PTPRO: variants seen among roughly 807,000 people sequenced by gnomAD.
PTPRO encodes receptor-type tyrosine-protein phosphatase O.
PTPRO carries 62 observed loss-of-function variants against 145.2 expected under a neutral mutation model. The ratio of observed to expected loss-of-function variants is 0.43; its 90% CI spans 0.35 to 0.53. The LOEUF is 0.53. PTPRO is among the 20% of genes least tolerant of loss of function. The pLI, the probability that PTPRO is intolerant of heterozygous loss-of-function variation, is 0.01. For synonymous variants in PTPRO, 565 were observed against 514.7 expected (o/e 1.10, Z -1.32); for missense variants, 1,345 against 1,482.7 (o/e 0.91, Z 1.53).
At chr12:15,329,210 T>C (rs1866538682) in intron 1 of PTPRO, among the ~76,000 whole-genome samples, 1 of 152,236 alleles carries the variant, frequency 6.6e-6, no homozygotes, top group Admixed American at 6.5e-5. Flanking sequence ...CTCTCTACCT[T>C]TAACCCGTAT....
chr12:15,344,859 C>T (rs1395325373), intron 1 of PTPRO, among the ~76,000 whole-genome samples: 2 of 152,218 alleles, frequency 1.3e-5, no homozygotes, highest in African/African-American at 4.8e-5. Flanking sequence ...AACTCCACAG[C>T]TCATGCCTTA....
At chr12:15,561,744 T>C (rs555445809) in intron 17 of PTPRO, among the ~76,000 whole-genome samples, 1 of 152,242 alleles carries the variant, frequency 6.6e-6, no homozygotes, top group East Asian at 1.9e-4. Flanking sequence ...GTGCCTACCA[T>C]TAAAATACTA....
intron 1 of PTPRO, among the ~76,000 whole-genome samples, chr12:15,341,979 T>C (rs908533180): frequency 4.6e-5 from 7 of 152,216 alleles, no homozygotes; most frequent in African/African-American, 1.7e-4. Flanking sequence ...TAAAGCACAA[T>C]TTAAATACAT....
intron 1 of PTPRO, among the ~76,000 whole-genome samples, chr12:15,451,232 AT>A (rs1434482395): frequency 6.6e-6 from 1 of 152,182 alleles, no homozygotes; most frequent in Non-Finnish European, 1.5e-5. Flanking sequence ...GTTAAAAAAA[AT>A]AAAGAGAAAC....
At chr12:15,335,928 T>C (rs1449779530) in intron 1 of PTPRO, among the ~76,000 whole-genome samples, 1 of 152,204 alleles carries the variant, frequency 6.6e-6, no homozygotes, top group Non-Finnish European at 1.5e-5. Context: ...TTGAAATTCT[T>C]GCTGCTACAC....
At chr12:15,462,781 T>G (rs771757181) in intron 1 of PTPRO, among the ~76,000 whole-genome samples, 20 of 152,208 alleles carry the variant, frequency 1.3e-4, no homozygotes, top group Non-Finnish European at 1.6e-4. Context: ...ATGCTAGCTA[T>G]TACAATTGTT....
intron 1 of PTPRO, among the ~76,000 whole-genome samples, chr12:15,471,713 A>T (rs1941546501): frequency 6.6e-6 from 1 of 152,170 alleles, no homozygotes; most frequent in Admixed American, 6.5e-5. Flanking sequence ...AATAGAGGGT[A>T]TCCCCAGTGT....
At chr12:15,439,884 A>C in intron 1 of PTPRO, 1 of 651,584 alleles carries the variant, frequency 1.5e-6, no homozygotes, top group Non-Finnish European at 2.8e-6. Context: ...GTCGGCCAGC[A>C]CACCAAGTTC....
intron 1 of PTPRO, among the ~76,000 whole-genome samples, chr12:15,354,927 C>T (rs143115540): frequency 8.5e-5 from 13 of 152,220 alleles, no homozygotes; most frequent in Non-Finnish European, 1.6e-4. Context: ...CCCTAAAGAC[C>T]CAAATCCTCT....
At chr12:15,403,231 G>T (rs931515481) in intron 1 of PTPRO, among the ~76,000 whole-genome samples, 4 of 152,018 alleles carry the variant, frequency 2.6e-5, no homozygotes, top group Non-Finnish European at 5.9e-5. Context: ...CGGCATTTCT[G>T]GCAGTTCTTT....
chr12:15,383,228 T>C (rs1938919320), intron 1 of PTPRO, among the ~76,000 whole-genome samples: 1 of 152,222 alleles, frequency 6.6e-6, no homozygotes, highest in Non-Finnish European at 1.5e-5. Flanking sequence ...TAATTGTTTA[T>C]CTGTACCTGG....
At chr12:15,445,408 C>T (rs928877502) in intron 1 of PTPRO, among the ~76,000 whole-genome samples, 1 of 152,048 alleles carries the variant, frequency 6.6e-6, no homozygotes, top group African/African-American at 2.4e-5. Flanking sequence ...GCTGGATAGG[C>T]ACCTCTGTAA....
At chr12:15,557,868 A>G (rs925100646) in intron 16 of PTPRO, among the ~76,000 whole-genome samples, 8 of 152,156 alleles carry the variant, frequency 5.3e-5, no homozygotes, top group African/African-American at 9.7e-5. Flanking sequence ...AGAGATTCCA[A>G]TGAAGCAGCT....
chr12:15,412,744 T>G (rs1939833386), intron 1 of PTPRO, among the ~76,000 whole-genome samples: 1 of 152,264 alleles, frequency 6.6e-6, no homozygotes, highest in Admixed American at 6.5e-5. Context: ...ATTTATTTTT[T>G]AAAACATTCC....
intron 6 of PTPRO, among the ~76,000 whole-genome samples, chr12:15,506,820 C>A (rs1165820177): frequency 6.6e-6 from 1 of 152,150 alleles, no homozygotes; most frequent in South Asian, 2.1e-4. Context: ...CTCTTCAATT[C>A]TAAAATTCCA....
chr12:15,439,723 C>T (rs1940704115), intron 1 of PTPRO: 2 of 523,334 alleles, frequency 3.8e-6, no homozygotes, highest in Non-Finnish European at 7.4e-6. Context: ...CCGAGCTGGA[C>T]CTCCTAGTCA....
chr12:15,538,741 C>T (rs1047700669), intron 12 of PTPRO, among the ~76,000 whole-genome samples: 6 of 152,152 alleles, frequency 3.9e-5, no homozygotes, highest in African/African-American at 1.4e-4. Context: ...CCTGGTCATC[C>T]CCACTTATAT....
chr12:15,419,318 G>C (rs1457407500), intron 1 of PTPRO, among the ~76,000 whole-genome samples: 1 of 151,410 alleles, frequency 6.6e-6, no homozygotes, highest in African/African-American at 2.5e-5. Context: ...CAGGAGTTTT[G>C]GAGAAAGGTC....
At chr12:15,414,373 C>A (rs1242748284) in intron 1 of PTPRO, among the ~76,000 whole-genome samples, 1 of 152,214 alleles carries the variant, frequency 6.6e-6, no homozygotes, top group Admixed American at 6.5e-5. Context: ...TTCAAGATCC[C>A]AGAACAGGAC....
Sources: gnomAD v4.1 joint callset for allele counts (sites outside exome capture counted in the v4.1 genomes callset) on GRCh38, gnomAD v4.1.1 for gene constraint, MANE v1.5 for transcripts, NCBI Gene and HGNC (gene_info 2026-07-23, HGNC 2026-07-21) for gene names.